Variants in GNB1 observed in about 807,000 individuals in gnomAD.
The protein encoded by GNB1 is G protein subunit beta 1.
GNB1 carries 2 observed loss-of-function variants against 42.9 expected under a neutral mutation model. That is an observed-to-expected ratio of 0.05 (90% CI 0.02 to 0.15). The LOEUF is 0.15. Ranked by LOEUF, GNB1 falls within the 10% of genes least tolerant of loss-of-function variation. GNB1 has a pLI of 1.00. For synonymous variants in GNB1, 183 were observed against 174.7 expected (o/e 1.05, Z -0.38); for missense variants, 193 against 462.2 (o/e 0.42, Z 5.34).
intron 1 of GNB1, among the ~76,000 whole-genome samples, chr1:1,867,265 AAAC>A (rs1278379948): frequency 1.3e-5 from 2 of 152,186 alleles, no homozygotes; most frequent in Non-Finnish European, 1.5e-5. Flanking sequence ...CTCCACCAAA[AAAC>A]AACATTTTAA....
chr1:1,880,876 T>G (rs943969509), intron 1 of GNB1, among the ~76,000 whole-genome samples: 19 of 152,006 alleles, frequency 1.2e-4, no homozygotes, highest in Admixed American at 1.2e-3. Context: ...AGACTGCCTG[T>G]GTCCATGGAG....
At chr1:1,841,708 C>T (rs748209084) in intron 1 of GNB1, among the ~76,000 whole-genome samples, 1 of 152,112 alleles carries the variant, frequency 6.6e-6, no homozygotes, top group Non-Finnish European at 1.5e-5. Context: ...AAAGTAGTTT[C>T]GTTTTGCAAT....
chr1:1,878,451 C>T (rs1332556792), intron 1 of GNB1, among the ~76,000 whole-genome samples: 1 of 152,180 alleles, frequency 6.6e-6, no homozygotes, highest in African/African-American at 2.4e-5. Flanking sequence ...TGGGGCTTCT[C>T]CTGCCTGGAA....
At position 1,787,756 on chromosome 1, in the gene GNB1, ACGCAGTGG is replaced by A. The variant is rs1646425581; in HGVS notation, c.917-327_917-320del. 6.6e-6 allele frequency among the ~76,000 whole-genome samples: 1 copy of A among 152,150 alleles called. No individual in the cohort carries two copies. Among genetic ancestry groups the A allele is most frequent in the Admixed American group, 6.6e-5 (1 of 15,266 alleles). On this transcript the variant is annotated intron_variant, in intron 10 of 11. Coordinates refer to ENST00000378609, the MANE Select transcript of GNB1 (RefSeq NM_002074.5). The surrounding 1 kb of genome is among the most constrained non-coding windows in gnomAD (Gnocchi z 4.4). ...TCAAAAAAATCAAAACTATCATCAG[ACGCAGTGG>A]CTTAGGCCTGTAATCCCAGCACGTT...
In GNB1 at chr1:1,804,483, G is replaced by A; in HGVS notation, c.366C>T (p.Ser122=). Residue 122 remains serine, a synonymous_variant, in exon 7 of 12, where the codon TCC becomes TCT. Coordinates refer to ENST00000378609, the MANE Select transcript of GNB1 (RefSeq NM_002074.5). ...CCTCACGAGTTTTCAGATTGTAAAT[G>A]GAGCAAATGTTATCCAGGCCACCGC... ...VACGGLDNIC[S]IYNLKTREGN... 6.2e-7 allele frequency: 1 copy of A among 1,613,686 alleles called. No homozygotes were observed. The highest frequency in any genetic ancestry group is 8.5e-7 in the Non-Finnish European group (1 of 1,179,628).
At chr1:1,878,204 C>A (rs1570753704) in intron 1 of GNB1, among the ~76,000 whole-genome samples, 1 of 152,136 alleles carries the variant, frequency 6.6e-6, no homozygotes, top group African/African-American at 2.4e-5. Context: ...AAGAAAGATA[C>A]CCAACAAATG....
intron 1 of GNB1, among the ~76,000 whole-genome samples, chr1:1,886,577 T>C (rs1454027848): frequency 6.6e-6 from 1 of 152,256 alleles, no homozygotes; most frequent in Non-Finnish European, 1.5e-5. Flanking sequence ...GTTTCCATTT[T>C]AAATTTATTT....
chr1:1,792,625 G>A (rs1176040816), intron 8 of GNB1, among the ~76,000 whole-genome samples: 1 of 149,026 alleles, frequency 6.7e-6, no homozygotes, highest in Non-Finnish European at 1.5e-5. Flanking sequence ...TTGAATCTGG[G>A]AGGCAGAGGT....
At chr1:1,856,618 G>C (rs2101597860) in intron 1 of GNB1, among the ~76,000 whole-genome samples, 1 of 152,224 alleles carries the variant, frequency 6.6e-6, no homozygotes, top group African/African-American at 2.4e-5. Context: ...AGTAGAGACA[G>C]GGTTTCACCA....
At position 1,817,873 on chromosome 1, in the gene GNB1, GT is replaced by G; in HGVS notation, c.59del (p.Asp20AlafsTer82). ...TTGCATCTGCACATGCTTTCCTGGC[GT>G]CCTGGGAAGCAAGGACAGTGAGAAA... ...EAEQLKNQIRDARKACADATL... is the reference protein window; with the variant it reads ...EAEQLKNQIRXARKACADATL... On this transcript the variant is annotated frameshift_variant and splice_region_variant, in exon 4 of 12. Transcript: ENST00000378609. LOFTEE classifies it high-confidence loss of function. 1 of 1,609,436 alleles carries G rather than the reference GT, an allele frequency of 6.2e-7. No homozygotes were observed. Among genetic ancestry groups the G allele is most frequent in the Non-Finnish European group, 8.5e-7 (1 of 1,175,820 alleles).
At chr1:1,853,611 T>C (rs926980977) in intron 1 of GNB1, among the ~76,000 whole-genome samples, 3 of 152,100 alleles carry the variant, frequency 2.0e-5, no homozygotes, top group African/African-American at 4.8e-5. Context: ...CCACAAAATA[T>C]AGAAAGTACC....
At chr1:1,875,740 T>C (rs899233077) in intron 1 of GNB1, among the ~76,000 whole-genome samples, 2 of 152,082 alleles carry the variant, frequency 1.3e-5, no homozygotes, top group Admixed American at 1.3e-4. Flanking sequence ...TTCACAAGGC[T>C]GGCCACAAGG....
intron 1 of GNB1, among the ~76,000 whole-genome samples, chr1:1,887,491 A>G (rs1192515064): frequency 6.6e-6 from 1 of 152,256 alleles, no homozygotes; most frequent in African/African-American, 2.4e-5. Flanking sequence ...AAGCTCTGGT[A>G]CTTTTGCAGG....
intron 1 of GNB1, among the ~76,000 whole-genome samples, chr1:1,843,929 C>T (rs982060078): frequency 3.9e-5 from 6 of 152,046 alleles, no homozygotes; most frequent in African/African-American, 1.2e-4. Flanking sequence ...GGTGCGGTGG[C>T]TCATTCCTGT....
chr1:1,887,498 C>T (rs910118352), intron 1 of GNB1, among the ~76,000 whole-genome samples: 1 of 152,234 alleles, frequency 6.6e-6, no homozygotes, highest in African/African-American at 2.4e-5. Context: ...GGTACTTTTG[C>T]AGGATAGTAC....
intron 1 of GNB1, among the ~76,000 whole-genome samples, chr1:1,848,367 AAAAAAAAGAAAAAG>A (rs1338555990): frequency 6.6e-6 from 1 of 151,512 alleles, no homozygotes; most frequent in Admixed American, 6.6e-5. Flanking sequence ...CAAAAAAAAA[AAAAAAAAGAAAAAG>A]AAAAAATAAA....
At chr1:1,800,049 C>T (rs1646603445) in intron 7 of GNB1, among the ~76,000 whole-genome samples, 1 of 152,234 alleles carries the variant, frequency 6.6e-6, no homozygotes, top group Non-Finnish European at 1.5e-5. Context: ...GATACAATGA[C>T]ACTAAACATC....
chr1:1,868,277 G>A (rs561759525), intron 1 of GNB1, among the ~76,000 whole-genome samples: 3 of 152,140 alleles, frequency 2.0e-5, no homozygotes. Context: ...CCGGGTTCGA[G>A]CAATTCTCCT....
intron 5 of GNB1, among the ~76,000 whole-genome samples, chr1:1,810,226 T>C (rs1433993665): frequency 6.6e-6 from 1 of 151,290 alleles, no homozygotes; most frequent in African/African-American, 2.4e-5. Flanking sequence ...CCACCGCGCC[T>C]GGCTTATTTT....
Sources: gnomAD v4.1 joint callset for allele counts (sites outside exome capture counted in the v4.1 genomes callset) on GRCh38, gnomAD v4.1.1 for gene constraint, Gnocchi (gnomAD v3.1) non-coding constraint, MANE v1.5 for transcripts, NCBI Gene and HGNC (gene_info 2026-07-23, HGNC 2026-07-21) for gene names.